Variants in AHI1 observed in about 807,000 individuals in gnomAD.
The protein encoded by AHI1 is jouberin.
AHI1 carries 123 observed loss-of-function variants against 149.3 expected under a neutral mutation model. The ratio of observed to expected loss-of-function variants is 0.82; its 90% CI spans 0.71 to 0.96. The LOEUF (loss-of-function observed/expected upper bound fraction) is 0.96, where lower values mean the gene tolerates loss of function less well. Among genes scored for constraint, AHI1 ranks in the 40% least tolerant of loss-of-function variants. The pLI, the probability that AHI1 is intolerant of heterozygous loss-of-function variation, is 0.00. For missense variants in AHI1, 1,439 were observed against 1,422.7 expected, an observed-to-expected ratio of 1.01 and a Z score of -0.18; for synonymous variants, 475 against 459.8, an observed-to-expected ratio of 1.03 and a Z score of -0.42.
At chr6:135,442,460 G>C (rs1364925137) in intron 14 of AHI1, 122 bp downstream of exon 14, 5 of 1,060,696 alleles carry the variant, frequency 4.7e-6, no homozygotes, top group Middle Eastern at 2.8e-4. Context: ...GAAGAAATCC[G>C]TTTTCTTTAA....
intron 5 of AHI1, chr6:135,474,548 G>C (rs1215260133): frequency 1.3e-5 from 2 of 151,662 alleles, no homozygotes; most frequent in East Asian, 1.9e-4. Context: ...GTAGAACAAG[G>C]AGTTCAATCT....
intron 24 of AHI1, among the ~76,000 whole-genome samples, chr6:135,355,614 A>C (rs990948376): frequency 6.6e-6 from 1 of 152,152 alleles, no homozygotes; most frequent in South Asian, 2.1e-4. Flanking sequence ...GTTAAGAAAC[A>C]TATCGGCTGG....
At chr6:135,481,052 G>A (rs949153100) in intron 5 of AHI1, among the ~76,000 whole-genome samples, 3 of 152,134 alleles carry the variant, frequency 2.0e-5, no homozygotes, top group African/African-American at 7.2e-5. Context: ...GGGGACGGCT[G>A]GATTAGATCA....
At chr6:135,355,354 G>GAA (rs111466248) in intron 24 of AHI1, among the ~76,000 whole-genome samples, 6 of 134,338 alleles carry the variant, frequency 4.5e-5, no homozygotes, top group African/African-American at 1.4e-4. Context: ...TTGTAAGAAA[G>GAA]AAAAAAAAAA....
At chr6:135,346,624 T>TC (rs1791274039) in intron 24 of AHI1, among the ~76,000 whole-genome samples, 2 of 152,142 alleles carry the variant, frequency 1.3e-5, no homozygotes, top group African/African-American at 4.8e-5. Context: ...AGCTGGACAG[T>TC]CATTCATGCT....
At chr6:135,362,646 C>T (rs1320613146) in intron 23 of AHI1, among the ~76,000 whole-genome samples, 2 of 152,088 alleles carry the variant, frequency 1.3e-5, no homozygotes, top group East Asian at 1.9e-4. Context: ...TGCTTGTTGG[C>T]CATTTGTATA....
Position 135,394,885 on chromosome 6 carries a change from A to T in AHI1, c.3000T>A (p.Asn1000Lys). The change falls in exon 23 of 29, where the codon AAT (asparagine) becomes AAA (lysine). Residue 1000 changes from asparagine to lysine, a missense_variant. By Grantham distance (94) the Asn-to-Lys change is moderately conservative. Transcript: ENST00000265602. Reference sequence around the variant, plus strand: ...CTGCTGGTGGTGAAGTAAATGAGAGATTTTTGTTGACCTGTATTAGGAAAA... The same window carrying T: ...CTGCTGGTGGTGAAGTAAATGAGAGTTTTTTGTTGACCTGTATTAGGAAAA... ...IRSCAAKVNKNLSFTSPPAVS... is the reference protein window; with the variant it reads ...IRSCAAKVNKKLSFTSPPAVS... 6.3e-7 allele frequency: 1 copy of T among 1,597,784 alleles called. No individual in the cohort carries two copies. Among genetic ancestry groups the T allele is most frequent in the East Asian group, 2.2e-5 (1 of 44,536 alleles).
chr6:135,454,134 A>C (rs1208276195), intron 10 of AHI1, among the ~76,000 whole-genome samples: 1 of 152,142 alleles, frequency 6.6e-6, no homozygotes, highest in Non-Finnish European at 1.5e-5. Flanking sequence ...ATACATGCTC[A>C]GTGAAAACAT....
Position 135,486,224 on chromosome 6 carries a change from G to A in AHI1, c.135+4399C>T, listed in dbSNP as rs1160671634. Among the ~76,000 whole-genome samples the A allele has an allele frequency of 2.6e-5, 4 of 152,272 alleles. No homozygotes were observed. The East Asian group carries it at 7.7e-4, about 29-fold the overall frequency. On this transcript the variant is annotated intron_variant, in intron 5 of 28. Transcript: ENST00000265602. ...CCTGATTTTAAAGGAAGAACCTGTA[G>A]GCTAGGTGTCTCCCTTTCCAAAGGG...
At chr6:135,378,859 T>G (rs994963640) in intron 23 of AHI1, among the ~76,000 whole-genome samples, 2 of 152,178 alleles carry the variant, frequency 1.3e-5, no homozygotes, top group Non-Finnish European at 2.9e-5. Context: ...TTTCCTCCTT[T>G]TTTTCCTTAC....
intron 24 of AHI1, among the ~76,000 whole-genome samples, chr6:135,340,124 A>T: frequency 6.6e-6 from 1 of 152,130 alleles, no homozygotes; most frequent in South Asian, 2.1e-4. Context: ...GTAATCCCAG[A>T]ACTTTGGGAG....
chr6:135,288,107 A>G (rs548775263), intron 28 of AHI1, among the ~76,000 whole-genome samples: 1 of 152,122 alleles, frequency 6.6e-6, no homozygotes, highest in South Asian at 2.1e-4. Flanking sequence ...AAAAACAAAA[A>G]CAAAACACAA....
At chr6:135,434,657 G>T (rs529283850) in intron 15 of AHI1, among the ~76,000 whole-genome samples, 12 of 152,020 alleles carry the variant, frequency 7.9e-5, no homozygotes, top group African/African-American at 2.9e-4. Flanking sequence ...CTGTTACCCA[G>T]GCCATGGTAG....
chr6:135,410,708 T>TA (rs1781463081), intron 21 of AHI1, among the ~76,000 whole-genome samples: 1 of 152,244 alleles, frequency 6.6e-6, no homozygotes, highest in Non-Finnish European at 1.5e-5. Flanking sequence ...GATGTCTTTC[T>TA]AAAATCAAAA....
intron 23 of AHI1, among the ~76,000 whole-genome samples, chr6:135,365,511 T>C (rs1017729116): frequency 1.3e-5 from 2 of 152,326 alleles, no homozygotes; most frequent in African/African-American, 2.4e-5. Flanking sequence ...CTTTTCCTTG[T>C]AGAGATCTTT....
At chr6:135,339,543 C>A (rs1200030592) in intron 24 of AHI1, among the ~76,000 whole-genome samples, 1 of 152,006 alleles carries the variant, frequency 6.6e-6, no homozygotes, top group Non-Finnish European at 1.5e-5. Flanking sequence ...TTGAAAAGAA[C>A]AATATTCACT....
At chr6:135,394,143 G>A (rs1778893721) in intron 23 of AHI1, among the ~76,000 whole-genome samples, 1 of 151,852 alleles carries the variant, frequency 6.6e-6, no homozygotes, top group African/African-American at 2.4e-5. Flanking sequence ...TTCAGTAATA[G>A]AAAAAATACT....
intron 14 of AHI1, among the ~76,000 whole-genome samples, chr6:135,440,545 G>A (rs989192604): frequency 2.6e-5 from 4 of 152,086 alleles, no homozygotes; most frequent in Non-Finnish European, 4.4e-5. Context: ...CTTCTCACTC[G>A]GGCTGACGTG....
chr6:135,338,142 A>G (rs978853704), intron 24 of AHI1, among the ~76,000 whole-genome samples: 20 of 151,954 alleles, frequency 1.3e-4, no homozygotes, highest in African/African-American at 4.6e-4. Context: ...TACTAATAAT[A>G]CAAAAAAAAT....
Sources: gnomAD v4.1 joint callset for allele counts (sites outside exome capture counted in the v4.1 genomes callset) on GRCh38, gnomAD v4.1.1 for gene constraint, MANE v1.5 for transcripts, NCBI Gene and HGNC (gene_info 2026-07-23, HGNC 2026-07-21) for gene names.